The following MKLN1 variants were observed in gnomAD, a reference collection of about 807,000 sequenced individuals.
MKLN1 encodes muskelin.
Under a neutral mutation model 99.0 loss-of-function variants are expected in MKLN1, and 18 were observed. The ratio of observed to expected loss-of-function variants is 0.18; its 90% confidence interval spans 0.13 to 0.27. The LOEUF (loss-of-function observed/expected upper bound fraction) is 0.27. Among genes scored for constraint, MKLN1 ranks in the 10% least tolerant of loss-of-function variants. The pLI is 1.00. For missense variants in MKLN1, 621 were observed against 875.9 expected, an observed-to-expected ratio of 0.71 and a Z score of 3.67; for synonymous variants, 288 against 293.2, an observed-to-expected ratio of 0.98 and a Z score of 0.18.
At chr7:131,370,310 G>C (rs1800307207) in intron 1 of MKLN1, among the ~76,000 whole-genome samples, 1 of 149,890 alleles carries the variant, frequency 6.7e-6, no homozygotes, top group South Asian at 2.1e-4. Context: ...GTGTTTCTCT[G>C]AGCTATTGTT....
chr7:131,216,297 C>T lies in MKLN1; in HGVS notation c.-179+13323C>T, dbSNP rs186256309. 1.8e-3 allele frequency among the ~76,000 whole-genome samples: 273 copies of T among 151,912 alleles called. 5 individuals carry two copies. Among genetic ancestry groups the T allele is most frequent in the African/African-American group, 6.2e-3 (256 of 41,428 alleles). ...ATACAGGAGTGCGTGGTGGCGCACT[C>T]CTGTAATCCCAGCTACTTGGGAAGC... On this transcript the variant is annotated intron_variant, in intron 3 of 7. Coordinates refer to the MKLN1 transcript ENST00000416992.
intron 16 of MKLN1, among the ~76,000 whole-genome samples, chr7:131,475,017 ACAAGAACAG>A (rs2116659961): frequency 6.6e-6 from 1 of 152,280 alleles, no homozygotes; most frequent in South Asian, 2.1e-4. Context: ...ACTCACTATC[ACAAGAACAG>A]CAAGGGGGAA....
chr7:131,153,039 T>A (rs530866900), intron 2 of MKLN1, among the ~76,000 whole-genome samples: 8 of 135,148 alleles, frequency 5.9e-5, no homozygotes, highest in South Asian at 2.6e-4. Context: ...ATATATTTTT[T>A]TTTTTTTTGG....
intron 4 of MKLN1, among the ~76,000 whole-genome samples, chr7:131,396,358 C>T (rs975845096): frequency 2.6e-5 from 4 of 152,204 alleles, no homozygotes; most frequent in Non-Finnish European, 5.9e-5. Flanking sequence ...CAGGCTTGAG[C>T]TACTGCTCCT....
intron 6 of MKLN1, among the ~76,000 whole-genome samples, chr7:131,405,049 A>C (rs1316607919): frequency 6.6e-6 from 1 of 152,114 alleles, no homozygotes; most frequent in Non-Finnish European, 1.5e-5. Context: ...GACTAATCAG[A>C]GTTGTTAATT....
In MKLN1 at chr7:131,255,058, T is replaced by TA. The variant is rs535096888; in HGVS notation, c.-179+52091dup. 2.1e-3 allele frequency among the ~76,000 whole-genome samples: 316 copies of TA among 152,142 alleles called. 2 individuals are homozygous for TA. The highest frequency in any genetic ancestry group is 3.6e-3 in the Non-Finnish European group (245 of 67,964). On this transcript the variant is annotated intron_variant, in intron 3 of 7. Coordinates refer to the MKLN1 transcript ENST00000416992. ...CATGTGCCATCATACCTGGCTAGTT[T>TA]AAAAAAATTTTTTTTTGTAGAGACA... is the stretch of plus-strand genomic sequence containing the variant.
Position 131,126,434 on chromosome 7 carries a change from A to G in MKLN1, c.-419+16227A>G, listed in dbSNP as rs541776093. ...TAACTATAGCATGTCCTAGATTCTA[A>G]GGTACAGATATCCCCCCATGTTTTT... On this transcript the variant is annotated intron_variant, in intron 1 of 7. Transcript: ENST00000416992. Among the ~76,000 whole-genome samples the G allele has an allele frequency of 1.5e-3, 226 of 152,340 alleles. 1 individual carries two copies. Among genetic ancestry groups the G allele is most frequent in the Non-Finnish European group, 2.6e-3 (177 of 68,028 alleles).
At chr7:131,372,320 C>G (rs1396528005) in intron 1 of MKLN1, among the ~76,000 whole-genome samples, 2 of 151,886 alleles carry the variant, frequency 1.3e-5, no homozygotes, top group Non-Finnish European at 2.9e-5. Flanking sequence ...TTTTCTAATT[C>G]ATTTTTGGGA....
At chr7:131,237,515 A>G (rs1797341831) in intron 3 of MKLN1, among the ~76,000 whole-genome samples, 1 of 152,214 alleles carries the variant, frequency 6.6e-6, no homozygotes. Context: ...AGAGATAGGA[A>G]GTTTGATCAC....
intron 1 of MKLN1, among the ~76,000 whole-genome samples, chr7:131,120,115 G>A (rs1410653105): frequency 7.1e-6 from 1 of 141,464 alleles, no homozygotes; most frequent in African/African-American, 2.7e-5. Flanking sequence ...AGCTTGCAAT[G>A]AGCTGAGATC....
intron 3 of MKLN1, among the ~76,000 whole-genome samples, chr7:131,233,191 C>CA (rs942308330): frequency 6.6e-6 from 1 of 151,600 alleles, no homozygotes; most frequent in Non-Finnish European, 1.5e-5. Flanking sequence ...AACAAACAAA[C>CA]AAAAAAACAA....
chr7:131,364,789 G>GT (rs979364440), intron 1 of MKLN1, among the ~76,000 whole-genome samples: 10 of 151,620 alleles, frequency 6.6e-5, no homozygotes, highest in South Asian at 2.1e-4. Flanking sequence ...AAATGATCTC[G>GT]TTTTTTTTAT....
chr7:131,399,220 A>G (rs1464858599), intron 5 of MKLN1, 21 bp from the exon 6 acceptor site: 1 of 1,605,430 alleles, frequency 6.2e-7, no homozygotes, highest in African/African-American at 1.3e-5. Context: ...TTCTTTCCAT[A>G]CTTACTCTGT....
At chr7:131,265,490 G>A (rs1214700220) in intron 3 of MKLN1, among the ~76,000 whole-genome samples, 1 of 152,100 alleles carries the variant, frequency 6.6e-6, no homozygotes, top group African/African-American at 2.4e-5. Flanking sequence ...AGGCTGGCAT[G>A]CTTCCCTGAT....
At chr7:131,299,443 C>G (rs1420138414) in intron 3 of MKLN1, among the ~76,000 whole-genome samples, 1 of 152,114 alleles carries the variant, frequency 6.6e-6, no homozygotes, top group Non-Finnish European at 1.5e-5. Context: ...GGAGTGCTAA[C>G]TATGAGCTAG....
chr7:131,273,688 A>C (rs150274856), intron 3 of MKLN1, among the ~76,000 whole-genome samples: 1,664 of 150,150 alleles, frequency 0.011, 26 homozygotes, highest in African/African-American at 0.037. Context: ...GCAGTGGCAT[A>C]ATCATAGCTC....
At chr7:131,229,069 G>A (rs892275363) in intron 3 of MKLN1, among the ~76,000 whole-genome samples, 1 of 152,156 alleles carries the variant, frequency 6.6e-6, no homozygotes, top group African/African-American at 2.4e-5. Flanking sequence ...CATAGAAGGT[G>A]TACATTGGTT....
At chr7:131,344,058 C>G (rs1228817985) in intron 1 of MKLN1, among the ~76,000 whole-genome samples, 2 of 152,028 alleles carry the variant, frequency 1.3e-5, no homozygotes, top group African/African-American at 4.8e-5. Flanking sequence ...CGGTTTGATT[C>G]AATTTATATT....
chr7:131,161,276 T>C (rs1035996455), intron 2 of MKLN1, among the ~76,000 whole-genome samples: 4 of 152,220 alleles, frequency 2.6e-5, no homozygotes, highest in African/African-American at 9.6e-5. Context: ...CCTAGCATAA[T>C]GCTAAATGAG....
Sources: gnomAD v4.1 joint callset for allele counts (sites outside exome capture counted in the v4.1 genomes callset) on GRCh38, gnomAD v4.1.1 for gene constraint, MANE v1.5 for transcripts, NCBI Gene and HGNC (gene_info 2026-07-23, HGNC 2026-07-21) for gene names.